Variants in TPH2 observed in about 807,000 individuals in gnomAD.
TPH2 encodes tryptophan hydroxylase 2, also known as tryptophan 5-hydroxylase 2.
In TPH2, 27 loss-of-function variants were observed where a neutral mutation model predicts 59.1. That is an observed-to-expected ratio of 0.46 (90% CI 0.34 to 0.63). The LOEUF (loss-of-function observed/expected upper bound fraction) is 0.63. Among genes scored for constraint, TPH2 ranks in the 30% least tolerant of loss-of-function variants. TPH2 has a pLI of 0.01. For missense variants in TPH2, 523 were observed against 588.3 expected (o/e 0.89, Z 1.15); for synonymous variants, 220 against 210.5 (o/e 1.05, Z -0.39).
At chr12:71,960,798 T>C (rs575745022) in intron 5 of TPH2, among the ~76,000 whole-genome samples, 1 of 152,326 alleles carries the variant, frequency 6.6e-6, no homozygotes, top group East Asian at 1.9e-4. Flanking sequence ...AAAATGATTT[T>C]CATGAACATG....
chr12:71,953,017 G>C (rs1016175661), intron 5 of TPH2, among the ~76,000 whole-genome samples: 1 of 152,098 alleles, frequency 6.6e-6, no homozygotes, highest in African/African-American at 2.4e-5. Context: ...AAATAATGTA[G>C]CTCAAAACAT....
chr12:71,972,582 C>T lies in TPH2; in HGVS notation c.672C>T (p.Phe224=), dbSNP rs1872003035. 2 of 1,614,118 alleles carry T rather than the reference C, an allele frequency of 1.2e-6. No individual in the cohort carries two copies. The highest frequency in any genetic ancestry group is 1.7e-6 in the Non-Finnish European group (2 of 1,180,012). Residue 224 remains phenylalanine (F), a synonymous_variant, in exon 6 of 11, where the codon TTC becomes TTT. Coordinates refer to ENST00000333850, the MANE Select transcript of TPH2 (RefSeq NM_173353.4). ...AAACTAAAACTTGGGGTGTTGTATTCCGGGAGCTCTCCAAACTCTATCCCA... is the reference window on the plus strand; with the variant it reads ...AAACTAAAACTTGGGGTGTTGTATTTCGGGAGCTCTCCAAACTCTATCCCA... ...EEETKTWGVV[F]RELSKLYPTH... is the part of the protein sequence containing the mutation.
intron 7 of TPH2, among the ~76,000 whole-genome samples, chr12:71,987,564 G>A (rs932406584): frequency 1.3e-5 from 2 of 152,126 alleles, no homozygotes; most frequent in African/African-American, 4.8e-5. Context: ...TAATGTAAGA[G>A]ATGGCTGGGT....
chr12:71,976,828 G>A (rs539453857), intron 6 of TPH2, among the ~76,000 whole-genome samples: 3 of 152,228 alleles, frequency 2.0e-5, no homozygotes, highest in Admixed American at 1.3e-4. Context: ...CTCCTAATGC[G>A]TTAAAGGAAT....
chr12:71,948,217 G>C (rs1458339439), intron 4 of TPH2, among the ~76,000 whole-genome samples: 1 of 151,510 alleles, frequency 6.6e-6, no homozygotes, highest in Non-Finnish European at 1.5e-5. Context: ...AAGGACTGTG[G>C]TAAGTATTTT....
intron 8 of TPH2, among the ~76,000 whole-genome samples, chr12:72,005,738 G>T (rs1872939278): frequency 6.6e-6 from 1 of 152,166 alleles, no homozygotes; most frequent in Non-Finnish European, 1.5e-5. Context: ...ATTAGCTGTG[G>T]CTGATAAGTT....
At position 71,985,480 on chromosome 12, in the gene TPH2, C is replaced by A. The variant is rs191065232; in HGVS notation, c.941+6393C>A. On this transcript the variant is annotated intron_variant, in intron 7 of 10. Coordinates refer to ENST00000333850, the MANE Select transcript of TPH2 (RefSeq NM_173353.4). ...GTGGTGCGATGTCAGCTCACTGTAA[C>A]CTCCGCCTCCTGGGTTCAAGCGATT... Among the ~76,000 whole-genome samples, 4 of 152,224 alleles carry A rather than the reference C, an allele frequency of 2.6e-5. No individual in the cohort carries two copies. In the East Asian group the frequency reaches 7.7e-4, roughly 29 times the overall value.
intron 5 of TPH2, chr12:71,964,586 A>G (rs534656584): frequency 1.0e-6 from 1 of 985,366 alleles, no homozygotes; most frequent in East Asian, 1.1e-4. Context: ...TATTGTAGAC[A>G]CCTGGATGCA....
At chr12:71,997,997 C>T (rs1005125267) in intron 8 of TPH2, among the ~76,000 whole-genome samples, 7 of 152,088 alleles carry the variant, frequency 4.6e-5, no homozygotes, top group Admixed American at 3.9e-4. Context: ...TAGGTCATGG[C>T]TAGGAAGGAT....
At chr12:72,007,881 C>G (rs1288845046) in intron 8 of TPH2, among the ~76,000 whole-genome samples, 2 of 151,996 alleles carry the variant, frequency 1.3e-5, no homozygotes, top group Non-Finnish European at 2.9e-5. Flanking sequence ...GATGTTCTAG[C>G]AAAGGCACAC....
intron 5 of TPH2, among the ~76,000 whole-genome samples, chr12:71,950,032 A>G (rs1308792845): frequency 1.3e-5 from 2 of 152,192 alleles, no homozygotes; most frequent in Non-Finnish European, 2.9e-5. Flanking sequence ...TAGAGGATTC[A>G]GCAAGAACGG....
At chr12:71,982,662 T>C (rs776317352) in intron 7 of TPH2, among the ~76,000 whole-genome samples, 2 of 152,236 alleles carry the variant, frequency 1.3e-5, no homozygotes, top group African/African-American at 2.4e-5. Flanking sequence ...GAAAACCAAC[T>C]AGAGGGCAGA....
At chr12:71,975,923 C>T (rs760651259) in intron 6 of TPH2, among the ~76,000 whole-genome samples, 22 of 152,316 alleles carry the variant, frequency 1.4e-4, no homozygotes, top group African/African-American at 3.4e-4. Flanking sequence ...CTCCTTATAT[C>T]GAGATGGCTT....
intron 8 of TPH2, among the ~76,000 whole-genome samples, chr12:72,010,582 C>T (rs752635835): frequency 1.3e-5 from 2 of 152,104 alleles, no homozygotes; most frequent in African/African-American, 2.4e-5. Context: ...ATACCTTTCT[C>T]GTCAGTTTTC....
chr12:72,005,403 T>C (rs1043934244), intron 8 of TPH2, among the ~76,000 whole-genome samples: 1 of 152,080 alleles, frequency 6.6e-6, no homozygotes. Flanking sequence ...ATATTTATTG[T>C]AGAAAAAATT....
chr12:71,998,848 A>G (rs1441989095), intron 8 of TPH2, among the ~76,000 whole-genome samples: 1 of 152,194 alleles, frequency 6.6e-6, no homozygotes, highest in East Asian at 1.9e-4. Context: ...GACAAATGGA[A>G]AGCCATGGAA....
intron 5 of TPH2, among the ~76,000 whole-genome samples, chr12:71,955,813 T>C (rs1401539035): frequency 6.6e-6 from 1 of 152,186 alleles, no homozygotes; most frequent in Non-Finnish European, 1.5e-5. Context: ...TCTTCTCCAC[T>C]CCCCTCGGCC....
intron 7 of TPH2, among the ~76,000 whole-genome samples, chr12:71,989,222 T>A (rs1024433346): frequency 2.0e-5 from 3 of 152,136 alleles, no homozygotes; most frequent in Non-Finnish European, 2.9e-5. Context: ...TATGCTATTT[T>A]AAATCTAAAC....
At chr12:72,006,916 T>C (rs1872969761) in intron 8 of TPH2, among the ~76,000 whole-genome samples, 1 of 152,074 alleles carries the variant, frequency 6.6e-6, no homozygotes, top group Non-Finnish European at 1.5e-5. Context: ...TGCTAAGCGT[T>C]CAAAAAATGC....
Sources: allele counts gnomAD v4.1 joint callset (sites outside exome capture counted in the v4.1 genomes callset), GRCh38; gene constraint gnomAD v4.1.1; transcripts MANE v1.5; gene names NCBI Gene and HGNC (gene_info 2026-07-23, HGNC 2026-07-21).